The following AGBL1 variants were observed in gnomAD, a reference collection of about 807,000 sequenced individuals.
The protein encoded by AGBL1 is cytosolic carboxypeptidase 4.
AGBL1 carries 130 observed loss-of-function variants against 118.9 expected under a neutral mutation model. The ratio of observed to expected loss-of-function variants is 1.09; its 90% confidence interval spans 0.95 to 1.26. AGBL1 has a LOEUF of 1.26. Ranked by LOEUF, AGBL1 falls within the 50% of genes most tolerant of loss-of-function variation. AGBL1 has a pLI of 0.00. For missense variants in AGBL1, 1,584 were observed against 1,298.1 expected, an observed-to-expected ratio of 1.22 and a Z score of -3.38; for synonymous variants, 555 against 478.9, an observed-to-expected ratio of 1.16 and a Z score of -2.08.
intron 22 of AGBL1, among the ~76,000 whole-genome samples, chr15:86,800,878 C>T (rs1366543603): frequency 6.6e-6 from 1 of 152,128 alleles, no homozygotes; most frequent in African/African-American, 2.4e-5. Context: ...AAGACAATGA[C>T]TTGTTATCAG....
rs61744083 is a variant in AGBL1 at position 86,546,076 on chromosome 15, G to A, written c.2760G>A (p.Leu920=). The change falls in exon 20 of 23, where the codon TTG becomes TTA. Residue 920 remains leucine, a synonymous_variant. Transcript: ENST00000614907. ...FLYGCSIKET[L]WQAACTVGTS... ...ATGGCTGTAGCATCAAGGAAACCTT[G>A]TGGCAAGCAGCATGCACTGTGGGCA... 2,515 of 1,613,440 alleles carry A rather than the reference G, an allele frequency of 1.6e-3. 40 individuals carry two copies. The African/African-American group carries it at 0.03, about 19-fold the overall frequency.
At chr15:86,980,966 T>G (rs1320095113) in intron 23 of AGBL1, among the ~76,000 whole-genome samples, 1 of 146,060 alleles carries the variant, frequency 6.8e-6, no homozygotes, top group African/African-American at 2.5e-5. Context: ...AGCTCACGAC[T>G]GTCTCCACCT....
At chr15:86,635,301 CCTCCTCCTCCT>C (rs2085062121) in intron 21 of AGBL1, among the ~76,000 whole-genome samples, 13 of 2,640 alleles carry the variant, frequency 4.9e-3, no homozygotes, top group Non-Finnish European at 0.016. Context: ...CTCCCCCTCC[CCTCCTCCTCCT>C]CCTCCTCCTC....
At chr15:86,407,294 A>G (rs1373731050) in intron 18 of AGBL1, among the ~76,000 whole-genome samples, 1 of 152,214 alleles carries the variant, frequency 6.6e-6, no homozygotes, top group African/African-American at 2.4e-5. Context: ...CCCGTGTCTA[A>G]TAAGTTTCAG....
At chr15:86,128,343 C>A (rs2076775087) in intron 1 of AGBL1, among the ~76,000 whole-genome samples, 1 of 152,010 alleles carries the variant, frequency 6.6e-6, no homozygotes, top group South Asian at 2.1e-4. Flanking sequence ...GGGAAACCAC[C>A]CCCATGATTC....
Position 86,247,731 on chromosome 15 carries a change from A to G in AGBL1, c.587A>G (p.Gln196Arg). The change falls in exon 7 of 23, where the codon CAG (glutamine) becomes CGG (arginine). Residue 196 changes from glutamine to arginine, a missense_variant. Physicochemically the swap from Gln to Arg is conservative, Grantham distance 43. Transcript: ENST00000614907. ...GYVTSLLGLHQDWHSHDTANA... is the reference protein window; with the variant it reads ...GYVTSLLGLHRDWHSHDTANA... ...GTCACCAGCCTGCTCGGGCTGCACCAGGACTGGCACAGCCATGACACAGCC... is the reference window on the plus strand; with the variant it reads ...GTCACCAGCCTGCTCGGGCTGCACCGGGACTGGCACAGCCATGACACAGCC... 1 of 1,613,760 alleles carries G rather than the reference A, an allele frequency of 6.2e-7. No individual in the cohort carries two copies. The highest frequency in any genetic ancestry group is 8.5e-7 in the Non-Finnish European group (1 of 1,179,774).
intron 17 of AGBL1, among the ~76,000 whole-genome samples, chr15:86,371,966 G>C (rs922805221): frequency 6.6e-6 from 1 of 152,106 alleles, no homozygotes; most frequent in Non-Finnish European, 1.5e-5. Flanking sequence ...TGGGGCGGGG[G>C]TACCTGGCAT....
chr15:86,911,763 TC>T lies in AGBL1; in HGVS notation c.*4470del, dbSNP rs1354181692. The T allele has an allele frequency of 2.6e-5, 4 of 152,226 alleles. No homozygotes were observed. Among genetic ancestry groups the T allele is most frequent in the Admixed American group, 2.6e-4 (4 of 15,290 alleles). 9.4% of individuals were successfully genotyped at this position (152,226 alleles called of 1,614,324 possible). A position where few individuals can be genotyped will look rare whatever the true frequency, so the allele number is the denominator to read the frequency against. ...TTCTCTCATTTGGGAATATCAAAAC[TC>T]AGTTCAAATATCACCTTTCTTCTAT... On this transcript the variant is annotated 3_prime_UTR_variant, in exon 23 of 23. Coordinates refer to ENST00000614907, the MANE Select transcript of AGBL1 (RefSeq NM_001386094.1).
intron 22 of AGBL1, among the ~76,000 whole-genome samples, chr15:86,816,377 C>G (rs17701277): frequency 6.6e-6 from 1 of 152,170 alleles, no homozygotes; most frequent in African/African-American, 2.4e-5. Context: ...CATTTGCACC[C>G]GGCTATTTCC....
chr15:86,984,690 T>C (rs1021545318), intron 23 of AGBL1, among the ~76,000 whole-genome samples: 1 of 152,142 alleles, frequency 6.6e-6, no homozygotes, highest in Non-Finnish European at 1.5e-5. Flanking sequence ...TTGAGTTAAG[T>C]GTCCTTCATA....
intron 24 of AGBL1, among the ~76,000 whole-genome samples, chr15:86,990,703 G>A (rs1346806492): frequency 6.6e-6 from 1 of 152,184 alleles, no homozygotes; most frequent in Non-Finnish European, 1.5e-5. Flanking sequence ...CTGAGGTACA[G>A]AGAGGTAAAA....
intron 18 of AGBL1, among the ~76,000 whole-genome samples, chr15:86,470,990 C>A (rs1336353006): frequency 6.6e-6 from 1 of 152,060 alleles, no homozygotes; most frequent in Non-Finnish European, 1.5e-5. Context: ...TTTACTTATT[C>A]CTTTTCAATT....
At position 86,679,657 on chromosome 15, in the gene AGBL1, G is replaced by A. The variant is rs183958410; in HGVS notation, c.3158+5221G>A. Among the ~76,000 whole-genome samples, 16 of 151,748 alleles carry A rather than the reference G, an allele frequency of 1.1e-4. 1 individual carries two copies. The Middle Eastern group carries it at 0.021, about 195-fold the overall frequency. On this transcript the variant is annotated intron_variant, in intron 22 of 22. Coordinates refer to ENST00000614907, the MANE Select transcript of AGBL1 (RefSeq NM_001386094.1). ...AACTTCAAAATGAGAATGACTCTAA[G>A]CATTTAAGAATTAAGTGAAATGGCT...
chr15:86,764,980 G>A (rs2078074516), intron 22 of AGBL1, among the ~76,000 whole-genome samples: 1 of 151,952 alleles, frequency 6.6e-6, no homozygotes, highest in Admixed American at 6.6e-5. Flanking sequence ...CATTTCCATT[G>A]CAGGTGGATA....
intron 21 of AGBL1, among the ~76,000 whole-genome samples, chr15:86,561,089 C>G (rs1002014077): frequency 6.6e-6 from 1 of 152,158 alleles, no homozygotes; most frequent in Non-Finnish European, 1.5e-5. Flanking sequence ...TGTAGGTTGC[C>G]TGTTCACTCT....
At chr15:86,119,668 T>TG (rs1597418865) in intron 1 of AGBL1, among the ~76,000 whole-genome samples, 1 of 151,684 alleles carries the variant, frequency 6.6e-6, no homozygotes, top group East Asian at 1.9e-4. Context: ...TGTGTGTGTG[T>TG]GTGTGTGTGT....
chr15:86,960,047 A>G (rs1317494100), intron 23 of AGBL1, among the ~76,000 whole-genome samples: 2 of 152,106 alleles, frequency 1.3e-5, no homozygotes, highest in African/African-American at 4.8e-5. Flanking sequence ...ATATTTTTTA[A>G]ATAATTCAAC....
intron 4 of AGBL1, among the ~76,000 whole-genome samples, chr15:86,157,604 A>C (rs1422779517): frequency 6.6e-6 from 1 of 152,202 alleles, no homozygotes; most frequent in Non-Finnish European, 1.5e-5. Flanking sequence ...AGGTATTTAA[A>C]AAAATTATAC....
rs1448496475 is a variant in AGBL1, at chr15:86,264,471, C to A, written c.1300C>A (p.Pro434Thr). Reference protein sequence around the residue: ...STVHLGSKKNPGVNLYQNVQS... With the variant: ...STVHLGSKKNTGVNLYQNVQS... ...TGTGCATCTAGGCTCCAAAAAAAAT[C>A]CTGGAGTGAACCTGTACCAAAATGT... The change falls in exon 11 of 23, where the codon CCT becomes ACT. Residue 434 changes from proline to threonine, a missense_variant. By Grantham distance (38) the Pro-to-Thr change is conservative. Coordinates refer to ENST00000614907, the MANE Select transcript of AGBL1 (RefSeq NM_001386094.1). 2 of 1,613,868 alleles carry A rather than the reference C, an allele frequency of 1.2e-6. No homozygotes were observed. Among genetic ancestry groups the A allele is most frequent in the Admixed American group, 1.7e-5 (1 of 60,002 alleles).
Sources: gnomAD v4.1 joint callset for allele counts (sites outside exome capture counted in the v4.1 genomes callset) on GRCh38, gnomAD v4.1.1 for gene constraint, MANE v1.5 for transcripts, NCBI Gene and HGNC (gene_info 2026-07-23, HGNC 2026-07-21) for gene names.